CDH4: variants seen among roughly 807,000 people sequenced by gnomAD.
CDH4 encodes cadherin-4.
In CDH4, 33 loss-of-function variants were observed where a neutral mutation model predicts 86.0. That is an observed-to-expected ratio of 0.38 (90% CI 0.29 to 0.51). The LOEUF is 0.51. Among genes scored for constraint, CDH4 ranks in the 20% least tolerant of loss-of-function variants. The pLI, the probability that CDH4 is intolerant of heterozygous loss-of-function variation, is 0.86. For synonymous variants in CDH4, 555 were observed against 549.4 expected (o/e 1.01, Z -0.14); for missense variants, 1,114 against 1,307.4 (o/e 0.85, Z 2.28).
rs570429495 is a variant in CDH4, at chr20:61,696,508, G to C, written c.170-47055G>C. ...ACCAGCTGTGTACTGAGCGCCAGCT[G>C]TGTACAGCAGAGCTCACTCCTCCAC... is the stretch of plus-strand genomic sequence containing the variant. On this transcript the variant is annotated intron_variant, in intron 2 of 15. Coordinates refer to ENST00000614565, the MANE Select transcript of CDH4 (RefSeq NM_001794.5). 1.1e-3 allele frequency among the ~76,000 whole-genome samples: 173 copies of C among 152,352 alleles called. 1 individual carries two copies. The highest frequency in any genetic ancestry group is 1.5e-3 in the Non-Finnish European group (105 of 68,028).
At chr20:61,704,486 G>A (rs897588687) in intron 2 of CDH4, among the ~76,000 whole-genome samples, 2 of 152,138 alleles carry the variant, frequency 1.3e-5, no homozygotes, top group Non-Finnish European at 2.9e-5. Flanking sequence ...CCTGGCTGGC[G>A]CCGCCTTCTG....
chr20:61,513,658 GTTTTC>G (rs1268003514), intron 2 of CDH4, among the ~76,000 whole-genome samples: 11 of 152,184 alleles, frequency 7.2e-5, no homozygotes, highest in Admixed American at 7.2e-4. Context: ...AAATTGACCA[GTTTTC>G]TTTTCTCTGA....
intron 9 of CDH4, among the ~76,000 whole-genome samples, chr20:61,920,814 T>A (rs2054971610): frequency 7.3e-6 from 1 of 137,090 alleles, no homozygotes; most frequent in Non-Finnish European, 1.6e-5. Flanking sequence ...GGAAGCGTGG[T>A]GTCGTGATTG....
chr20:61,349,836 A>G (rs2084699767), intron 2 of CDH4, among the ~76,000 whole-genome samples: 2 of 152,176 alleles, frequency 1.3e-5, no homozygotes, highest in Non-Finnish European at 2.9e-5. Context: ...AGGAGGGGAA[A>G]GGACCAAGTT....
chr20:61,895,744 G>A (rs564323648), intron 8 of CDH4, among the ~76,000 whole-genome samples: 23 of 152,342 alleles, frequency 1.5e-4, no homozygotes, highest in African/African-American at 5.5e-4. Context: ...CTTCCCTGCT[G>A]CCCAGCGATC....
At chr20:61,812,327 C>T (rs1316946068) in intron 4 of CDH4, among the ~76,000 whole-genome samples, 3 of 152,108 alleles carry the variant, frequency 2.0e-5, no homozygotes, top group Non-Finnish European at 2.9e-5. Context: ...GCCCTCAAGC[C>T]GTCACTGGCC....
At chr20:61,671,672 A>C (rs1032251448) in intron 2 of CDH4, among the ~76,000 whole-genome samples, 1 of 148,948 alleles carries the variant, frequency 6.7e-6, no homozygotes, top group Non-Finnish European at 1.5e-5. Flanking sequence ...TAATGGATGG[A>C]TGGTGGATGG....
intron 2 of CDH4, among the ~76,000 whole-genome samples, chr20:61,275,708 G>C (rs1235745444): frequency 6.6e-6 from 1 of 151,744 alleles, no homozygotes; most frequent in Non-Finnish European, 1.5e-5. Flanking sequence ...ACCGTGCGCA[G>C]TTTGGGGGCG....
chr20:61,855,293 G>A (rs1982950118), intron 6 of CDH4, among the ~76,000 whole-genome samples: 2 of 152,188 alleles, frequency 1.3e-5, no homozygotes, highest in African/African-American at 4.8e-5. Flanking sequence ...TTGATTGGTT[G>A]TCTTTCAGGA....
chr20:61,815,696 G>A (rs528138171), intron 4 of CDH4, among the ~76,000 whole-genome samples: 166 of 152,342 alleles, frequency 1.1e-3, no homozygotes, highest in African/African-American at 3.5e-3. Flanking sequence ...TTCGACGCCC[G>A]GAGGCCCGGC....
chr20:61,880,401 A>G (rs755933670), intron 7 of CDH4, among the ~76,000 whole-genome samples: 5 of 152,098 alleles, frequency 3.3e-5, no homozygotes, highest in African/African-American at 4.8e-5. Context: ...AATATTAGCA[A>G]TTGAGACAAA....
chr20:61,415,410 G>A (rs560571452), intron 2 of CDH4, among the ~76,000 whole-genome samples: 8 of 152,182 alleles, frequency 5.3e-5, no homozygotes, highest in Non-Finnish European at 1.0e-4. Context: ...CATTTTTTAT[G>A]TGTACAGTCA....
rs961752762 is a variant in CDH4 at position 61,829,157 on chromosome 20, C to T, written c.577-15511C>T. Among the ~76,000 whole-genome samples the T allele has an allele frequency of 5.3e-5, 8 of 152,226 alleles. No homozygotes were observed. Among genetic ancestry groups the T allele is most frequent in the Non-Finnish European group, 1.0e-4 (7 of 68,040 alleles). On this transcript the variant is annotated intron_variant, in intron 4 of 15. Transcript: ENST00000614565. This position sits in a 1 kb window ranked among gnomAD's most constrained non-coding sequence, Gnocchi z 4.2. ...GGTTGGGGACCCTGCTTTAAGCAGT[C>T]GCTTCTCCTTCCCTGGCCTCGCCCC... is the stretch of plus-strand genomic sequence containing the variant.
chr20:61,780,401 G>A (rs140698659), intron 4 of CDH4, among the ~76,000 whole-genome samples: 9 of 152,310 alleles, frequency 5.9e-5, no homozygotes, highest in Admixed American at 5.9e-4. Context: ...GCCTGCTACT[G>A]TGGCAGAGTT....
At chr20:61,396,304 GT>G (rs2085016557) in intron 2 of CDH4, among the ~76,000 whole-genome samples, 1 of 152,130 alleles carries the variant, frequency 6.6e-6, no homozygotes, top group Non-Finnish European at 1.5e-5. Flanking sequence ...GAAGACCGAG[GT>G]CGAGGCCCCT....
intron 2 of CDH4, among the ~76,000 whole-genome samples, chr20:61,447,087 G>A (rs1403739113): frequency 6.6e-6 from 1 of 151,854 alleles, no homozygotes; most frequent in Non-Finnish European, 1.5e-5. Context: ...TAACCTTTTT[G>A]CCTACCATAC....
intron 2 of CDH4, among the ~76,000 whole-genome samples, chr20:61,398,047 C>T (rs886086936): frequency 6.6e-6 from 1 of 152,154 alleles, no homozygotes; most frequent in African/African-American, 2.4e-5. Context: ...TGTCCTGAAC[C>T]AGCCAGAAGT....
intron 2 of CDH4, among the ~76,000 whole-genome samples, chr20:61,694,470 A>G (rs1237959077): frequency 3.3e-5 from 5 of 152,176 alleles, no homozygotes. Flanking sequence ...GGAGGTAAAC[A>G]TATCTTTAAA....
chr20:61,900,945 G>T (rs990379077), intron 8 of CDH4, among the ~76,000 whole-genome samples: 7 of 152,174 alleles, frequency 4.6e-5, no homozygotes, highest in African/African-American at 1.7e-4. Context: ...CAACAATATG[G>T]CCATCGTGGC....
Sources: allele counts gnomAD v4.1 joint callset (sites outside exome capture counted in the v4.1 genomes callset), GRCh38; gene constraint gnomAD v4.1.1; non-coding constraint Gnocchi (gnomAD v3.1); transcripts MANE v1.5; gene names NCBI Gene and HGNC (gene_info 2026-07-23, HGNC 2026-07-21).